Variants in ZCWPW2 observed in about 807,000 individuals in gnomAD.
The protein encoded by ZCWPW2 is zinc finger CW-type and PWWP domain containing 2.
ZCWPW2 carries 45 observed loss-of-function variants against 46.6 expected under a neutral mutation model. The observed-to-expected ratio is 0.96, with a 90% confidence interval of 0.76 to 1.24. The LOEUF is 1.24. ZCWPW2 is among the 50% of genes most tolerant of loss of function. The pLI, the probability that ZCWPW2 is intolerant of heterozygous loss-of-function variation, is 0.00. For missense variants in ZCWPW2, 429 were observed against 403.9 expected (o/e 1.06, Z -0.53); for synonymous variants, 152 against 137.1 (o/e 1.11, Z -0.76).
intron 6 of ZCWPW2, among the ~76,000 whole-genome samples, chr3:28,510,587 C>T (rs1459009591): frequency 2.0e-5 from 3 of 151,942 alleles, no homozygotes; most frequent in Admixed American, 6.6e-5. Context: ...TGTAGTAGCT[C>T]TTTCAGCAAA....
chr3:28,475,426 A>G (rs1438052083), intron 4 of ZCWPW2, among the ~76,000 whole-genome samples: 2 of 152,150 alleles, frequency 1.3e-5, no homozygotes, highest in Admixed American at 6.5e-5. Flanking sequence ...TCCTACTTCT[A>G]TACTTGCCTC....
intron 1 of ZCWPW2, among the ~76,000 whole-genome samples, chr3:28,365,071 C>G (rs1261987347): frequency 1.3e-5 from 2 of 151,574 alleles, no homozygotes; most frequent in Admixed American, 6.6e-5. Flanking sequence ...GAGTAGATTG[C>G]AAAAATTTTC....
chr3:28,378,049 T>G lies in ZCWPW2; in HGVS notation c.-133-12449T>G, dbSNP rs147304554. 5.2e-3 allele frequency among the ~76,000 whole-genome samples: 798 copies of G among 152,174 alleles called. 9 individuals are homozygous for G. Among genetic ancestry groups the G allele is most frequent in the African/African-American group, 0.018 (761 of 41,550 alleles). On this transcript the variant is annotated intron_variant, in intron 1 of 9. Coordinates refer to ENST00000383768, the MANE Select transcript of ZCWPW2 (RefSeq NM_001040432.4). ...TTATCTGTATTATTACAAAAGAAGA[T>G]CTTTATTAAGCTTCTTGGAGCTATG...
At chr3:28,506,556 A>G (rs1700284601) in intron 6 of ZCWPW2, among the ~76,000 whole-genome samples, 2 of 152,088 alleles carry the variant, frequency 1.3e-5, no homozygotes, top group Non-Finnish European at 1.5e-5. Context: ...AGATATATCC[A>G]TCTGGAACCT....
At chr3:28,478,689 C>T (rs931008209) in intron 4 of ZCWPW2, 125 bp from the exon 5 acceptor site, 8 of 434,754 alleles carry the variant, frequency 1.8e-5, no homozygotes, top group Non-Finnish European at 3.2e-5. Flanking sequence ...TAATTAGATA[C>T]GAAAGTCTAA....
At chr3:28,410,458 T>TA (rs1235036513) in intron 2 of ZCWPW2, among the ~76,000 whole-genome samples, 2 of 151,960 alleles carry the variant, frequency 1.3e-5, no homozygotes, top group Non-Finnish European at 2.9e-5. Context: ...CAAGTGTTGT[T>TA]AAGTAGGGCC....
chr3:28,400,828 AC>A (rs1179787694), intron 2 of ZCWPW2, among the ~76,000 whole-genome samples: 2 of 152,326 alleles, frequency 1.3e-5, no homozygotes, highest in Admixed American at 6.5e-5. Context: ...ACACATCAAA[AC>A]AAAACCTCTT....
intron 6 of ZCWPW2, among the ~76,000 whole-genome samples, chr3:28,497,327 A>G (rs999566469): frequency 1.3e-5 from 2 of 151,690 alleles, no homozygotes; most frequent in Non-Finnish European, 2.9e-5. Context: ...ATGTTACTCT[A>G]TAGATTTAAA....
At chr3:28,357,863 C>T (rs182817225) in intron 1 of ZCWPW2, among the ~76,000 whole-genome samples, 1 of 149,086 alleles carries the variant, frequency 6.7e-6, no homozygotes, top group Non-Finnish European at 1.5e-5. Flanking sequence ...TTCTGTTTCT[C>T]TACAGAACCC....
chr3:28,447,719 C>T (rs1698050438), intron 4 of ZCWPW2: 3 of 567,368 alleles, frequency 5.3e-6, no homozygotes, highest in Non-Finnish European at 1.0e-5. Flanking sequence ...TCTAGAGGCA[C>T]TCAGAATGGT....
Position 28,444,464 on chromosome 3 carries a change from G to A in ZCWPW2, c.492+9195G>A, listed in dbSNP as rs570548121. Among the ~76,000 whole-genome samples, 176 of 152,268 alleles carry A rather than the reference G, an allele frequency of 1.2e-3. 1 individual carries two copies. The highest frequency in any genetic ancestry group is 3.9e-3 in the African/African-American group (164 of 41,560). On this transcript the variant is annotated intron_variant, in intron 4 of 9. Transcript: ENST00000383768. The stretch of plus-strand genomic sequence containing the variant: ...TGATGGCAGCATGGGTCAGGGAAGG[G>A]AAGTTGCCACTACAGAGTTTATAAA...
At chr3:28,455,866 G>A (rs151078025) in intron 4 of ZCWPW2, among the ~76,000 whole-genome samples, 167 of 152,058 alleles carry the variant, frequency 1.1e-3, no homozygotes, top group African/African-American at 3.8e-3. Flanking sequence ...TACCAGTACC[G>A]TGCTGTTTTG....
At chr3:28,412,940 A>G (rs1696460930) in intron 2 of ZCWPW2, 116 bp from the exon 3 acceptor site, 1 of 724,804 alleles carries the variant, frequency 1.4e-6, no homozygotes, top group Non-Finnish European at 2.2e-6. Context: ...TGTAGGATAG[A>G]GAGGGGGTGG....
intron 3 of ZCWPW2, among the ~76,000 whole-genome samples, chr3:28,421,102 C>G (rs144710652): frequency 2.0e-4 from 30 of 152,240 alleles, no homozygotes; most frequent in African/African-American, 6.5e-4. Flanking sequence ...GGGAGCACCT[C>G]TTTGTTACTC....
At chr3:28,490,932 G>T (rs1189396038) in intron 5 of ZCWPW2, among the ~76,000 whole-genome samples, 1 of 151,890 alleles carries the variant, frequency 6.6e-6, no homozygotes. Context: ...GTATATTTCA[G>T]ATTCATATGA....
chr3:28,511,408 A>C (rs1700422445), intron 6 of ZCWPW2, among the ~76,000 whole-genome samples: 2 of 152,190 alleles, frequency 1.3e-5, no homozygotes, highest in Non-Finnish European at 2.9e-5. Context: ...TTAGCAGCAA[A>C]TTCTAATAAT....
At chr3:28,366,764 A>G (rs932755244) in intron 1 of ZCWPW2, among the ~76,000 whole-genome samples, 11 of 152,144 alleles carry the variant, frequency 7.2e-5, no homozygotes, top group African/African-American at 1.4e-4. Context: ...CTGTGAATCC[A>G]TCTGGTCCTG....
chr3:28,492,290 C>G (rs1037141913), intron 6 of ZCWPW2, 117 bp downstream of exon 6: 1 of 861,284 alleles, frequency 1.2e-6, no homozygotes, highest in African/African-American at 1.8e-5. Context: ...ATTTTTTCTT[C>G]TGAATGTTAC....
intron 5 of ZCWPW2, among the ~76,000 whole-genome samples, chr3:28,480,407 T>C (rs1318048006): frequency 6.6e-6 from 1 of 152,000 alleles, no homozygotes; most frequent in East Asian, 1.9e-4. Flanking sequence ...CACTTTTTAA[T>C]GGTTTTTTTT....
Sources: gnomAD v4.1 joint callset for allele counts (sites outside exome capture counted in the v4.1 genomes callset) on GRCh38, gnomAD v4.1.1 for gene constraint, MANE v1.5 for transcripts, NCBI Gene and HGNC (gene_info 2026-07-23, HGNC 2026-07-21) for gene names.